The following CEP55 variants were observed in gnomAD, a reference collection of about 807,000 sequenced individuals.
The protein encoded by CEP55 is centrosomal protein of 55 kDa.
In CEP55, 57 loss-of-function variants were observed where a neutral mutation model predicts 63.2. The observed-to-expected ratio is 0.90, with a 90% CI of 0.73 to 1.13. The LOEUF (loss-of-function observed/expected upper bound fraction) is 1.13, where lower values mean the gene tolerates loss of function less well. Ranked by LOEUF, CEP55 falls within the 50% of genes most tolerant of loss-of-function variation. CEP55 has a pLI of 0.00. For missense variants in CEP55, 456 were observed against 518.9 expected, an observed-to-expected ratio of 0.88 and a Z score of 1.18; for synonymous variants, 178 against 191.6, an observed-to-expected ratio of 0.93 and a Z score of 0.59.
At chr10:93,500,495 C>G (rs931124453) in intron 2 of CEP55, among the ~76,000 whole-genome samples, 1 of 152,126 alleles carries the variant, frequency 6.6e-6, no homozygotes, top group African/African-American at 2.4e-5. Context: ...TAAGTTTGTT[C>G]TGGAAATAAA....
chr10:93,515,588 T>C (rs2057796050), intron 5 of CEP55, 33 bp downstream of exon 5: 2 of 1,535,634 alleles, frequency 1.3e-6, no homozygotes, highest in South Asian at 1.2e-5. Flanking sequence ...TCTCTAGGGA[T>C]AGGCCTGACA....
At chr10:93,505,725 T>A (rs1169353188) in intron 3 of CEP55, among the ~76,000 whole-genome samples, 1 of 152,206 alleles carries the variant, frequency 6.6e-6, no homozygotes, top group Middle Eastern at 3.2e-3. Flanking sequence ...TTTTTCTATG[T>A]TTGTTGGCCA....
rs1243448519 is a variant in CEP55 at position 93,503,251 on chromosome 10, A to G, written c.322A>G (p.Thr108Ala). ...ATTGCTTGAACAGCTGGAAGAGACAACGAGAGAAGGAGAAAGGAGGGAGCA... is the reference window on the plus strand; with the variant it reads ...ATTGCTTGAACAGCTGGAAGAGACAGCGAGAGAAGGAGAAAGGAGGGAGCA... Reference protein sequence around the residue: ...TTLLEQLEETTREGERREQVL... With the variant: ...TTLLEQLEETAREGERREQVL... The change falls in exon 3 of 9, where the codon ACG becomes GCG. Residue 108 changes from threonine (T) to alanine (A), a missense_variant. Physicochemically the swap from Thr to Ala is moderately conservative, Grantham distance 58 (BLOSUM62 0). Coordinates refer to ENST00000371485, the MANE Select transcript of CEP55 (RefSeq NM_018131.5). 1 of 1,614,002 alleles carries G rather than the reference A, an allele frequency of 6.2e-7. No individual in the cohort carries two copies. Among genetic ancestry groups the G allele is most frequent in the African/African-American group, 1.3e-5 (1 of 74,920 alleles).
chr10:93,501,653 C>A (rs927456663), intron 2 of CEP55, among the ~76,000 whole-genome samples: 11 of 151,026 alleles, frequency 7.3e-5, no homozygotes, highest in African/African-American at 2.4e-4. Flanking sequence ...GGTGACAGAG[C>A]AAGACTTCTG....
intron 7 of CEP55, 113 bp downstream of exon 7, chr10:93,519,061 A>C: frequency 1.4e-6 from 1 of 729,542 alleles, no homozygotes; most frequent in African/African-American, 1.8e-5. Flanking sequence ...AAGTGTCTTT[A>C]AAAGACTTCA....
At chr10:93,525,918 C>T (rs1385664767) in intron 8 of CEP55, among the ~76,000 whole-genome samples, 4 of 152,060 alleles carry the variant, frequency 2.6e-5, no homozygotes, top group East Asian at 1.9e-4. Flanking sequence ...CTTCCTTACA[C>T]CTTATACAAA....
chr10:93,507,659 C>G (rs946347307), intron 4 of CEP55, among the ~76,000 whole-genome samples: 1 of 151,990 alleles, frequency 6.6e-6, no homozygotes, highest in African/African-American at 2.4e-5. Context: ...CAGTATTTTT[C>G]TCTTTTTGAG....
At chr10:93,526,912 A>G (rs1022791101) in intron 8 of CEP55, among the ~76,000 whole-genome samples, 2 of 152,154 alleles carry the variant, frequency 1.3e-5, no homozygotes, top group East Asian at 1.9e-4. Context: ...GAAGGGGGAC[A>G]TCACACCCCA....
At chr10:93,507,348 G>A (rs935228228) in intron 4 of CEP55, among the ~76,000 whole-genome samples, 1 of 151,534 alleles carries the variant, frequency 6.6e-6, no homozygotes, top group Non-Finnish European at 1.5e-5. Context: ...AGCCTCCTGA[G>A]TAGCTGGGAT....
chr10:93,508,022 G>T (rs1298846886), intron 4 of CEP55, among the ~76,000 whole-genome samples: 1 of 152,136 alleles, frequency 6.6e-6, no homozygotes, highest in African/African-American at 2.4e-5. Flanking sequence ...TGCTCTCTTT[G>T]GTTTGAATAC....
At chr10:93,504,875 C>T (rs148594185) in intron 3 of CEP55, among the ~76,000 whole-genome samples, 28 of 152,088 alleles carry the variant, frequency 1.8e-4, no homozygotes, top group African/African-American at 5.6e-4. Context: ...AGTGCAATGG[C>T]GCAATCTCAG....
At position 93,528,070 on chromosome 10, in the gene CEP55, G is replaced by T. The variant is rs1248934304; in HGVS notation, c.1312G>T (p.Val438Leu). 7.4e-6 allele frequency: 12 copies of T among 1,613,874 alleles called. No individual in the cohort carries two copies. The African/African-American group carries it at 1.2e-4, about 16-fold the overall frequency. ...CACTGCTGCACTCAATGAAAGCCTG[G>T]TGGAATGTCCCAAGTGCAATATACA... The part of the protein sequence containing the change: ...SPTAALNESL[V>L]ECPKCNIQYP... Residue 438 changes from valine to leucine, a missense_variant, in exon 9 of 9, where the codon GTG (valine) becomes TTG (leucine). By Grantham distance (32) the Val-to-Leu change is conservative. Coordinates refer to ENST00000371485, the MANE Select transcript of CEP55 (RefSeq NM_018131.5).
intron 4 of CEP55, among the ~76,000 whole-genome samples, chr10:93,512,542 A>G (rs1398238036): frequency 6.6e-6 from 1 of 151,224 alleles, no homozygotes; most frequent in Non-Finnish European, 1.5e-5. Flanking sequence ...AAAAAATTTC[A>G]TGACCATTTA....
intron 7 of CEP55, 165 bp downstream of exon 7, chr10:93,519,113 A>G: frequency 1.6e-5 from 9 of 550,446 alleles, no homozygotes; most frequent in Admixed American, 3.1e-5. Flanking sequence ...ATTTCAAGAG[A>G]CTCTGCTAGC....
intron 5 of CEP55, among the ~76,000 whole-genome samples, chr10:93,515,963 G>T (rs992156237): frequency 1.3e-5 from 2 of 152,124 alleles, no homozygotes; most frequent in Non-Finnish European, 2.9e-5. Flanking sequence ...TAAATCATTT[G>T]AACTTCAGGT....
chr10:93,516,798 C>A lies in CEP55; in HGVS notation c.680-137C>A, dbSNP rs2057807757. 9.8e-6 allele frequency: 6 copies of A among 611,236 alleles called. No individual in the cohort carries two copies. In the South Asian group the frequency reaches 1.6e-4, roughly 16 times the overall value. The allele number at this position is 611,236 out of a possible 1,614,324, so 37.9% of individuals were successfully genotyped here. Reference sequence around the variant, plus strand: ...TGTTTTTTATTTCATCAAATATCAACCATAGTCCCTATCTCTTGACTTTTC... The same window carrying A: ...TGTTTTTTATTTCATCAAATATCAAACATAGTCCCTATCTCTTGACTTTTC... On this transcript the variant is annotated intron_variant, in intron 5 of 8. Transcript: ENST00000371485.
intron 3 of CEP55, among the ~76,000 whole-genome samples, chr10:93,505,782 T>C (rs2134462828): frequency 6.6e-6 from 1 of 152,206 alleles, no homozygotes; most frequent in Non-Finnish European, 1.5e-5. Flanking sequence ...TCTGAGAAAA[T>C]GAAGAGGAGA....
At chr10:93,506,047 C>T (rs898263151) in intron 3 of CEP55, among the ~76,000 whole-genome samples, 1 of 151,934 alleles carries the variant, frequency 6.6e-6, no homozygotes, top group Non-Finnish European at 1.5e-5. Flanking sequence ...ACCTCCTCCT[C>T]CCGGGTTCTG....
In CEP55 at chr10:93,519,722, A is replaced by G. The variant is rs2134490180; in HGVS notation, c.1106A>G (p.Asp369Gly). ...TTAGACTTTGAAAATGAAAAACTCGACCGTCAACATGTGCAGCATCAATTG... is the reference window on the plus strand; with the variant it reads ...TTAGACTTTGAAAATGAAAAACTCGGCCGTCAACATGTGCAGCATCAATTG... ...CTLDFENEKL[D>G]RQHVQHQLHV... The change falls in exon 8 of 9, where the codon GAC becomes GGC. Residue 369 changes from aspartate to glycine, a missense_variant. Transcript: ENST00000371485. 6.2e-7 allele frequency: 1 copy of G among 1,614,162 alleles called. No individual in the cohort carries two copies. Among genetic ancestry groups the G allele is most frequent in the Non-Finnish European group, 8.5e-7 (1 of 1,180,006 alleles).
Sources: gnomAD v4.1 joint callset for allele counts (sites outside exome capture counted in the v4.1 genomes callset) on GRCh38, gnomAD v4.1.1 for gene constraint, MANE v1.5 for transcripts, NCBI Gene and HGNC (gene_info 2026-07-23, HGNC 2026-07-21) for gene names.